AMOTL1: variants seen among roughly 807,000 people sequenced by gnomAD.
The protein encoded by AMOTL1 is angiomotin like 1.
A neutral mutation model predicts 102.9 loss-of-function variants in AMOTL1; 45 were observed. That is an observed-to-expected ratio of 0.44 (90% CI 0.34 to 0.56). The LOEUF (loss-of-function observed/expected upper bound fraction) is 0.56. AMOTL1 is among the 20% of genes least tolerant of loss of function. The pLI, the probability that AMOTL1 is intolerant of heterozygous loss-of-function variation, is 0.01. For synonymous variants in AMOTL1, 481 were observed against 484.7 expected (o/e 0.99, Z 0.10); for missense variants, 1,114 against 1,225.6 (o/e 0.91, Z 1.36).
intron 1 of AMOTL1, among the ~76,000 whole-genome samples, chr11:94,724,099 AG>A (rs1393482179): frequency 1.3e-5 from 2 of 152,122 alleles, no homozygotes; most frequent in Non-Finnish European, 1.5e-5. Flanking sequence ...TGGAGAAGGA[AG>A]ATCCCATTGT....
intron 1 of AMOTL1, among the ~76,000 whole-genome samples, chr11:94,725,289 A>G (rs1359307047): frequency 3.3e-5 from 5 of 152,130 alleles, no homozygotes; most frequent in African/African-American, 1.2e-4. Context: ...AGGCCAGAAC[A>G]GGGCCAGGAA....
intron 2 of AMOTL1, among the ~76,000 whole-genome samples, chr11:94,739,584 C>T (rs1384183437): frequency 6.6e-6 from 1 of 152,188 alleles, no homozygotes; most frequent in Non-Finnish European, 1.5e-5. Flanking sequence ...TAGGCTGCTG[C>T]AGCTGGTGCT....
At chr11:94,808,965 CTT>C (rs199619372) in intron 3 of AMOTL1, among the ~76,000 whole-genome samples, 1,664 of 111,552 alleles carry the variant, frequency 0.015, 8 homozygotes, top group African/African-American at 0.047. Flanking sequence ...TTCTTTCTTT[CTT>C]TTTTTTTTTT....
chr11:94,795,272 C>A, intron 2 of AMOTL1, 112 bp downstream of exon 2: 3 of 1,339,216 alleles, frequency 2.2e-6, no homozygotes, highest in African/African-American at 1.5e-5. Context: ...TTTTTTAAAT[C>A]ATCATATTGG....
At chr11:94,720,068 T>A (rs1016453582) in intron 1 of AMOTL1, among the ~76,000 whole-genome samples, 2 of 152,156 alleles carry the variant, frequency 1.3e-5, no homozygotes, top group Admixed American at 6.6e-5. Context: ...AAGGCCACTG[T>A]GCTGAGGTAT....
chr11:94,832,183 A>G (rs1262276783), intron 6 of AMOTL1, among the ~76,000 whole-genome samples: 2 of 152,260 alleles, frequency 1.3e-5, no homozygotes, highest in African/African-American at 4.8e-5. Flanking sequence ...GATTCATTGC[A>G]CTAGCCAGAA....
intron 1 of AMOTL1, among the ~76,000 whole-genome samples, chr11:94,709,651 A>C (rs192474708): frequency 6.6e-6 from 1 of 151,634 alleles, no homozygotes; most frequent in Non-Finnish European, 1.5e-5. Flanking sequence ...CATGTAAGGA[A>C]AGAAACTTTT....
chr11:94,707,794 T>C (rs147830583), intron 1 of AMOTL1, among the ~76,000 whole-genome samples: 3 of 152,302 alleles, frequency 2.0e-5, no homozygotes, highest in Admixed American at 6.5e-5. Context: ...TTCCTCACAT[T>C]TTCACATCTG....
At chr11:94,841,660 T>C (rs1952304782) in intron 6 of AMOTL1, among the ~76,000 whole-genome samples, 1 of 152,238 alleles carries the variant, frequency 6.6e-6, no homozygotes, top group Non-Finnish European at 1.5e-5. Flanking sequence ...GAAGTAGCAG[T>C]ACATTTTTAT....
At chr11:94,847,702 A>G (rs1043485216) in intron 6 of AMOTL1, among the ~76,000 whole-genome samples, 6 of 145,536 alleles carry the variant, frequency 4.1e-5, no homozygotes, top group Middle Eastern at 3.5e-3. Context: ...TAGCTACAAT[A>G]TGATACTGCT....
At chr11:94,787,300 A>G (rs1255882790) in intron 1 of AMOTL1, among the ~76,000 whole-genome samples, 3 of 152,134 alleles carry the variant, frequency 2.0e-5, no homozygotes, top group Non-Finnish European at 4.4e-5. Context: ...CTCTAGATGA[A>G]GAAGACATCG....
chr11:94,859,794 G>A (rs1952738994), intron 9 of AMOTL1, 79 bp downstream of exon 9: 1 of 1,422,092 alleles, frequency 7.0e-7, no homozygotes, highest in Non-Finnish European at 9.3e-7. Context: ...ATCCAGAGAG[G>A]TCCAAGGCCC....
intron 6 of AMOTL1, among the ~76,000 whole-genome samples, chr11:94,833,625 A>G (rs1952117308): frequency 6.6e-6 from 1 of 152,210 alleles, no homozygotes; most frequent in Non-Finnish European, 1.5e-5. Context: ...GTATGATTTC[A>G]TTGTTTCCAA....
chr11:94,766,451 C>T (rs1341426449), upstream of AMOTL1, among the ~76,000 whole-genome samples: 1 of 152,220 alleles, frequency 6.6e-6, no homozygotes, highest in Non-Finnish European at 1.5e-5. Context: ...GGAGCTGCAA[C>T]TCAGCTCATG....
chr11:94,868,946 AAAAAAAAAAAC>A (rs1163540958), intron 11 of AMOTL1, among the ~76,000 whole-genome samples: 1 of 149,278 alleles, frequency 6.7e-6, no homozygotes, highest in Admixed American at 6.7e-5. Flanking sequence ...CTCCACTCCA[AAAAAAAAAAAC>A]AAAAAAAACA....
At chr11:94,796,420 C>T (rs1225624798) in intron 2 of AMOTL1, among the ~76,000 whole-genome samples, 1 of 152,118 alleles carries the variant, frequency 6.6e-6, no homozygotes, top group African/African-American at 2.4e-5. Context: ...GGGGAGGCAA[C>T]ACATAAATAT....
intron 2 of AMOTL1, among the ~76,000 whole-genome samples, chr11:94,736,975 A>G (rs1334324236): frequency 1.3e-5 from 2 of 152,206 alleles, no homozygotes; most frequent in African/African-American, 2.4e-5. Flanking sequence ...GCTCTATTCT[A>G]CTTCCTAAGA....
chr11:94,708,009 C>G (rs1261582784), intron 1 of AMOTL1, among the ~76,000 whole-genome samples: 1 of 152,158 alleles, frequency 6.6e-6, no homozygotes, highest in Non-Finnish European at 1.5e-5. Context: ...TGATCAGCAC[C>G]TGCACAATCC....
chr11:94,806,802 C>A (rs751421559), intron 3 of AMOTL1, among the ~76,000 whole-genome samples: 9 of 152,100 alleles, frequency 5.9e-5, no homozygotes, highest in Admixed American at 1.3e-4. Context: ...CCCTGGATAG[C>A]AATGATTTTG....
Sources: gnomAD v4.1 joint callset for allele counts (sites outside exome capture counted in the v4.1 genomes callset) on GRCh38, gnomAD v4.1.1 for gene constraint, MANE v1.5 for transcripts, NCBI Gene and HGNC (gene_info 2026-07-23, HGNC 2026-07-21) for gene names.